The following SNX32 variants were observed in gnomAD, a reference collection of about 807,000 sequenced individuals.
SNX32 encodes sorting nexin 32.
In SNX32, 58 loss-of-function variants were observed where a neutral mutation model predicts 57.0. That is an observed-to-expected ratio of 1.02 (90% CI 0.82 to 1.27). The LOEUF is 1.27. Among genes scored for constraint, SNX32 ranks in the 50% most tolerant of loss-of-function variants. The pLI, the probability that SNX32 is intolerant of heterozygous loss-of-function variation, is 0.00. For synonymous variants in SNX32, 262 were observed against 220.4 expected, an observed-to-expected ratio of 1.19 and a Z score of -1.67; for missense variants, 589 against 541.2, an observed-to-expected ratio of 1.09 and a Z score of -0.88.
chr11:65,849,771 C>T (rs758582121), intron 2 of SNX32, 149 bp from the exon 3 acceptor site: 5 of 764,976 alleles, frequency 6.5e-6, no homozygotes, highest in Admixed American at 5.3e-5. Flanking sequence ...CATTCCTGTC[C>T]ACCATTCTAA....
Position 65,840,260 on chromosome 11 carries a change from A to C in SNX32, c.36+6159A>C, listed in dbSNP as rs368765640. Reference sequence around the variant, plus strand: ...AATCAACACTCTCATCAAATTAGGGATAGCGGGGAGCTCCATTAAGCTTCA... The same window carrying C: ...AATCAACACTCTCATCAAATTAGGGCTAGCGGGGAGCTCCATTAAGCTTCA... On this transcript the variant is annotated intron_variant, in intron 1 of 12. Coordinates refer to ENST00000308342, the MANE Select transcript of SNX32 (RefSeq NM_152760.3). Among the ~76,000 whole-genome samples, 221 of 152,320 alleles carry C rather than the reference A, an allele frequency of 1.5e-3. 6 individuals carry two copies. In the South Asian group the frequency reaches 0.043, roughly 30 times the overall value.
chr11:65,843,051 C>G (rs902724482), intron 1 of SNX32, among the ~76,000 whole-genome samples: 11 of 148,898 alleles, frequency 7.4e-5, no homozygotes, highest in Admixed American at 7.4e-4. Context: ...GGTGAAACCC[C>G]GTCTCTACTA....
intron 1 of SNX32, among the ~76,000 whole-genome samples, chr11:65,836,470 G>T (rs933459622): frequency 6.6e-6 from 1 of 152,146 alleles, no homozygotes; most frequent in Non-Finnish European, 1.5e-5. Flanking sequence ...CTTGAACCCA[G>T]GAGGCAAAGG....
Position 65,852,898 on chromosome 11 carries a change from G to A in SNX32, c.1098G>A (p.Arg366=). 3 of 1,614,124 alleles carry A rather than the reference G, an allele frequency of 1.9e-6. No homozygotes were observed. Among genetic ancestry groups the A allele is most frequent in the Middle Eastern group, 1.7e-4 (1 of 6,060 alleles). Residue 366 remains arginine (R), a synonymous_variant, in exon 12 of 13, where the codon CGG becomes CGA. Transcript: ENST00000308342. ...AGCTCATGGACTTCAAGTCCCGCCG[G>A]GTCTCCTCTTTTCGAAAGAATCTCA... ...KQELMDFKSR[R]VSSFRKNLIE...
chr11:65,849,588 G>T lies in SNX32; in HGVS notation c.141+6G>T, dbSNP rs376598334. On this transcript the variant is annotated splice_donor_region_variant and intron_variant, in intron 2 of 12. Coordinates refer to ENST00000308342, the MANE Select transcript of SNX32 (RefSeq NM_152760.3). ...AATTCACTGTTCAAACAAAGGTGAG[G>T]CAGTGCGGGGCACGAGGAAAGGTCC... 1.8e-4 allele frequency: 296 copies of T among 1,613,056 alleles called. 1 individual carries two copies. The highest frequency in any genetic ancestry group is 1.7e-3 in the Middle Eastern group (10 of 6,058).
rs1473498443 is a variant in SNX32 at position 65,853,673 on chromosome 11, C to T, written c.*338C>T. On this transcript the variant is annotated 3_prime_UTR_variant, in exon 13 of 13. Coordinates refer to ENST00000308342, the MANE Select transcript of SNX32 (RefSeq NM_152760.3). ...CACTTGATCCCGGCCTGTTCTCCTT[C>T]GCAAATAAAAACCCTGGTTTTGTAG... 4.2e-5 allele frequency: 15 copies of T among 354,232 alleles called. No homozygotes were observed. The highest frequency in any genetic ancestry group is 6.8e-5 in the Non-Finnish European group (13 of 190,482). 21.9% of individuals were successfully genotyped at this position (354,232 alleles called of 1,614,324 possible).
At chr11:65,838,934 A>C (rs1313190422) in intron 1 of SNX32, among the ~76,000 whole-genome samples, 1 of 152,048 alleles carries the variant, frequency 6.6e-6, no homozygotes, top group South Asian at 2.1e-4. Flanking sequence ...AAAATATGAC[A>C]TATCGAAACT....
Position 65,851,360 on chromosome 11 carries a change from G to A in SNX32, c.742G>A (p.Ala248Thr), listed in dbSNP as rs142241975. 27 of 1,614,044 alleles carry A rather than the reference G, an allele frequency of 1.7e-5. No individual in the cohort carries two copies. The African/African-American group carries it at 2.7e-4, about 16-fold the overall frequency. ...LADDYIPISAALSSLGTQEVN... is the reference protein window; with the variant it reads ...LADDYIPISATLSSLGTQEVN... The stretch of plus-strand genomic sequence containing the variant: ...AGACGATTATATCCCTATCTCAGCT[G>A]CGCTGAGCAGTCTGGGAACACAGGA... Residue 248 changes from alanine (A) to threonine (T), a missense_variant, in exon 8 of 13, where the codon GCG (alanine) becomes ACG (threonine). Ala to Thr is a moderately conservative substitution (Grantham distance 58). Transcript: ENST00000308342.
In SNX32 at chr11:65,852,968, C is replaced by T; in HGVS notation, c.1158+10C>T. ...GCTCAAACACGCCAAGGTGAGCCCT[C>T]CCACCTCACTGGGCCCTTGTGAAGC... is the stretch of plus-strand genomic sequence containing the variant. On this transcript the variant is annotated intron_variant, in intron 12 of 12. Coordinates refer to ENST00000308342, the MANE Select transcript of SNX32 (RefSeq NM_152760.3). 3 of 1,613,914 alleles carry T rather than the reference C, an allele frequency of 1.9e-6. No individual in the cohort carries two copies. The highest frequency in any genetic ancestry group is 2.5e-6 in the Non-Finnish European group (3 of 1,179,870).
chr11:65,847,818 G>T (rs927072340), intron 1 of SNX32, among the ~76,000 whole-genome samples: 7 of 151,890 alleles, frequency 4.6e-5, no homozygotes, highest in Non-Finnish European at 8.8e-5. Flanking sequence ...GCTGAGGCAA[G>T]AGAATTGCTT....
chr11:65,851,258 G>T (rs538172041), intron 7 of SNX32, 70 bp from the exon 8 acceptor site: 2 of 1,605,864 alleles, frequency 1.2e-6, no homozygotes, highest in Middle Eastern at 1.7e-4. Context: ...CTTGTTGTTT[G>T]TCTGTGGCCA....
intron 1 of SNX32, 75 bp downstream of exon 1, chr11:65,834,176 GGTGTGTGTGTGTCTGTGTGTGT>G (rs1306888497): frequency 1.8e-5 from 8 of 444,680 alleles, no homozygotes; most frequent in Non-Finnish European, 1.7e-5. Flanking sequence ...ATCATGCGGT[GGTGTGTGTGTGTCTGTGTGTGT>G]GTGGTCTGCC....
At chr11:65,834,586 C>T (rs1858605485) in intron 1 of SNX32, among the ~76,000 whole-genome samples, 1 of 143,886 alleles carries the variant, frequency 6.9e-6, no homozygotes, top group African/African-American at 2.6e-5. Flanking sequence ...GTATGGTCTG[C>T]GTGTGTCTTT....
chr11:65,838,044 T>G (rs972180819), intron 1 of SNX32, among the ~76,000 whole-genome samples: 3 of 151,884 alleles, frequency 2.0e-5, no homozygotes, highest in African/African-American at 7.3e-5. Context: ...TAATCCCAGC[T>G]ACTCGGGAGG....
chr11:65,845,087 C>G (rs1349701393), intron 1 of SNX32, among the ~76,000 whole-genome samples: 1 of 2,192 alleles, frequency 4.6e-4, no homozygotes, highest in Non-Finnish European at 1.2e-3. Flanking sequence ...GGCTTGAGGC[C>G]AGGAGTTCAA....
chr11:65,839,223 G>GGTTTTTTTTTTTTTTTTT (rs1858755017), intron 1 of SNX32, among the ~76,000 whole-genome samples: 2 of 23,078 alleles, frequency 8.7e-5, no homozygotes, highest in East Asian at 1.7e-3. Flanking sequence ...TAATTTTTTT[G>GGTTTTTTTTTTTTTTTTT]TATTTTTTTT....
intron 8 of SNX32, 55 bp downstream of exon 8, chr11:65,851,458 C>T (rs1387204374): frequency 1.9e-6 from 3 of 1,589,666 alleles, no homozygotes; most frequent in Admixed American, 1.7e-5. Context: ...CCATGTCTTC[C>T]CATGAGGGGT....
At chr11:65,843,434 T>C (rs1473838705) in intron 1 of SNX32, among the ~76,000 whole-genome samples, 5 of 151,662 alleles carry the variant, frequency 3.3e-5, no homozygotes, top group Non-Finnish European at 7.4e-5. Context: ...CCAGGCGTTG[T>C]GGCGGGCACC....
chr11:65,849,651 T>A, intron 2 of SNX32, 69 bp downstream of exon 2: 1 of 1,346,862 alleles, frequency 7.4e-7, no homozygotes, highest in Non-Finnish European at 1.1e-6. Context: ...CAGGGGGTGG[T>A]AGGCATGTGC....
Sources: allele counts gnomAD v4.1 joint callset (sites outside exome capture counted in the v4.1 genomes callset), GRCh38; gene constraint gnomAD v4.1.1; transcripts MANE v1.5; gene names NCBI Gene and HGNC (gene_info 2026-07-23, HGNC 2026-07-21).